The following TNFRSF1B variants were observed in gnomAD, a reference collection of about 807,000 sequenced individuals.
The protein encoded by TNFRSF1B is tumor necrosis factor receptor superfamily member 1B.
Under a neutral mutation model 44.6 loss-of-function variants are expected in TNFRSF1B, and 19 were observed. That is an observed-to-expected ratio of 0.43 (90% CI 0.30 to 0.62). The LOEUF is 0.62. TNFRSF1B is among the 20% of genes least tolerant of loss of function. The pLI is 0.16. For synonymous variants in TNFRSF1B, 252 were observed against 261.1 expected, an observed-to-expected ratio of 0.97 and a Z score of 0.34; for missense variants, 541 against 619.9, an observed-to-expected ratio of 0.87 and a Z score of 1.35.
At chr1:12,167,587 G>A (rs937437040) in intron 1 of TNFRSF1B, 2 of 283,574 alleles carry the variant, frequency 7.1e-6, no homozygotes, top group Non-Finnish European at 1.4e-5. Context: ...GTGCCGGGGC[G>A]CTGCCCCACT....
chr1:12,201,256 G>A, intron 8 of TNFRSF1B, among the ~76,000 whole-genome samples: 1 of 111,566 alleles, frequency 9.0e-6, no homozygotes, highest in Non-Finnish European at 1.7e-5. Flanking sequence ...GTGAGACCCT[G>A]TCTCAAAAAA....
chr1:12,167,492 A>AC, intron 1 of TNFRSF1B: 1 of 433,314 alleles, frequency 2.3e-6, no homozygotes, highest in South Asian at 2.2e-5. Context: ...TCCTGGGCAG[A>AC]CCCCCGCTAG....
chr1:12,191,662 G>A (rs1031662897), intron 3 of TNFRSF1B, 112 bp from the exon 4 acceptor site: 25 of 1,394,310 alleles, frequency 1.8e-5, no homozygotes, highest in Admixed American at 3.8e-5. Flanking sequence ...ATGCTGAGGC[G>A]GTCCGCCAGC....
rs75362147 is a variant in TNFRSF1B at position 12,196,813 on chromosome 1, G to T, written c.900+2195G>T. On this transcript the variant is annotated intron_variant, in intron 8 of 9. Coordinates refer to ENST00000376259, the MANE Select transcript of TNFRSF1B (RefSeq NM_001066.3). Reference sequence around the variant, plus strand: ...CCGCCTGGTGGCGTGCGTAGAGCAGGTGTCTCCCCCAAGCTCTTCCGCAGC... The same window carrying T: ...CCGCCTGGTGGCGTGCGTAGAGCAGTTGTCTCCCCCAAGCTCTTCCGCAGC... 4.2e-3 allele frequency among the ~76,000 whole-genome samples: 637 copies of T among 152,278 alleles called. 6 individuals are homozygous for T. Among genetic ancestry groups the T allele is most frequent in the African/African-American group, 0.015 (606 of 41,540 alleles).
chr1:12,181,694 C>G (rs5745990), intron 1 of TNFRSF1B, among the ~76,000 whole-genome samples: 1 of 152,164 alleles, frequency 6.6e-6, no homozygotes, highest in African/African-American at 2.4e-5. Context: ...GTCGCCTGCT[C>G]GAGCTGCCCT....
intron 4 of TNFRSF1B, among the ~76,000 whole-genome samples, chr1:12,192,173 A>G (rs1336951864): frequency 6.6e-6 from 1 of 152,366 alleles, no homozygotes; most frequent in Middle Eastern, 3.4e-3. Context: ...GCCCTAAGCT[A>G]GGAAAGTTAT....
rs558709640 is a variant in TNFRSF1B, at chr1:12,185,123, G to A, written c.79-3673G>A. Among the ~76,000 whole-genome samples the A allele has an allele frequency of 8.1e-5, 12 of 148,998 alleles. No individual in the cohort carries two copies. In the South Asian group the frequency reaches 2.5e-3, roughly 31 times the overall value. On this transcript the variant is annotated intron_variant, in intron 1 of 9. Transcript: ENST00000376259. ...GTTAGTATTCGATGGAATGGCTTGT[G>A]CAGAGGGAGCTGCAGAAGCTGCCAT...
chr1:12,205,310 T>G (rs1570179193), intron 9 of TNFRSF1B, among the ~76,000 whole-genome samples: 1 of 148,410 alleles, frequency 6.7e-6, no homozygotes, highest in Non-Finnish European at 1.5e-5. Flanking sequence ...TAGCAGGGGG[T>G]GGGGAATGTG....
At position 12,183,656 on chromosome 1, in the gene TNFRSF1B, T is replaced by TTATCTATCTATCTATC. The variant is rs76161807; in HGVS notation, c.79-5100_79-5085dup. On this transcript the variant is annotated intron_variant, in intron 1 of 9. Coordinates refer to ENST00000376259, the MANE Select transcript of TNFRSF1B (RefSeq NM_001066.3). ...TATCTATCTAGCTATTTTATCTATT[T>TTATCTATCTATCTATC]TATCTATCTATCTATCTATCTATCT... is the stretch of plus-strand genomic sequence containing the variant. Among the ~76,000 whole-genome samples, 159 of 125,322 alleles carry TTATCTATCTATCTATC rather than the reference T, an allele frequency of 1.3e-3. 5 individuals are homozygous for TTATCTATCTATCTATC. The highest frequency in any genetic ancestry group is 1.5e-3 in the Non-Finnish European group (89 of 59,582). 82.2% of individuals were successfully genotyped at this position (125,322 alleles called of 152,430 possible).
At chr1:12,202,478 C>T (rs920497108) in intron 9 of TNFRSF1B, among the ~76,000 whole-genome samples, 1 of 152,214 alleles carries the variant, frequency 6.6e-6, no homozygotes, top group Non-Finnish European at 1.5e-5. Flanking sequence ...CTCCTCCGGG[C>T]TCACCATGCC....
chr1:12,182,557 G>A (rs778920574), intron 1 of TNFRSF1B, among the ~76,000 whole-genome samples: 1 of 149,104 alleles, frequency 6.7e-6, no homozygotes, highest in Admixed American at 6.6e-5. Context: ...TGCTCAGCAC[G>A]TCTGTTGAAT....
Position 12,167,183 on chromosome 1 carries a change from G to A in TNFRSF1B, c.78+14G>A, listed in dbSNP as rs1296666665. The A allele has an allele frequency of 7.9e-7, 1 of 1,260,066 alleles. No individual in the cohort carries two copies. The highest frequency in any genetic ancestry group is 1.0e-6 in the Non-Finnish European group (1 of 1,001,010). 78.1% of individuals were successfully genotyped at this position (1,260,066 alleles called of 1,614,324 possible). On this transcript the variant is annotated intron_variant, in intron 1 of 9. Coordinates refer to ENST00000376259, the MANE Select transcript of TNFRSF1B (RefSeq NM_001066.3). Reference sequence around the variant, plus strand: ...TTGCCCGCCCAGGTGGGTGACTCGCGCGGCCCACGGGGGACAGCCGCCCCG... The same window carrying A: ...TTGCCCGCCCAGGTGGGTGACTCGCACGGCCCACGGGGGACAGCCGCCCCG...
In TNFRSF1B at chr1:12,193,107, C is replaced by T. The variant is rs557507770; in HGVS notation, c.787+9C>T. On this transcript the variant is annotated intron_variant, in intron 6 of 9. Coordinates refer to ENST00000376259, the MANE Select transcript of TNFRSF1B (RefSeq NM_001066.3). ...CTTCGCTCTTCCAGTTGGTAAGTCG[C>T]AAGAAGTCTCATTCATTCACTCCTT... 8 of 1,599,842 alleles carry T rather than the reference C, an allele frequency of 5.0e-6. No homozygotes were observed. The highest frequency in any genetic ancestry group is 2.7e-5 in the African/African-American group (2 of 74,734).
At chr1:12,184,465 C>T (rs1024730630) in intron 1 of TNFRSF1B, among the ~76,000 whole-genome samples, 1 of 152,278 alleles carries the variant, frequency 6.6e-6, no homozygotes, top group East Asian at 1.9e-4. Flanking sequence ...AGTCCTACCC[C>T]CTCTGCCGGC....
chr1:12,207,109 C>A lies in TNFRSF1B; in HGVS notation c.*89C>A, dbSNP rs1218177944. 2 of 1,393,948 alleles carry A rather than the reference C, an allele frequency of 1.4e-6. No homozygotes were observed. The highest frequency in any genetic ancestry group is 1.9e-6 in the Non-Finnish European group (2 of 1,043,890). The allele number at this position is 1,393,948 out of a possible 1,614,324, so 86.3% of individuals were successfully genotyped here. On this transcript the variant is annotated 3_prime_UTR_variant, in exon 10 of 10. Coordinates refer to ENST00000376259, the MANE Select transcript of TNFRSF1B (RefSeq NM_001066.3). Reference sequence around the variant, plus strand: ...AGGGGCCCTGGTCCTTCCAGGCCCCCACCACTAGGACTCTGAGGCTCTTTC... The same window carrying A: ...AGGGGCCCTGGTCCTTCCAGGCCCCAACCACTAGGACTCTGAGGCTCTTTC...
rs780770003 is a variant in TNFRSF1B, at chr1:12,194,061, C to G, written c.865+29C>G. 9 of 1,599,874 alleles carry G rather than the reference C, an allele frequency of 5.6e-6. No homozygotes were observed. In the African/African-American group the frequency reaches 1.1e-4, roughly 19 times the overall value. Reference sequence around the variant, plus strand: ...AGAGTCCATCCTTCCTTCCTTCATCCACTTGTTCAGGAAGCTTTTGTGGGG... The same window carrying G: ...AGAGTCCATCCTTCCTTCCTTCATCGACTTGTTCAGGAAGCTTTTGTGGGG... On this transcript the variant is annotated intron_variant, in intron 7 of 9. Coordinates refer to ENST00000376259, the MANE Select transcript of TNFRSF1B (RefSeq NM_001066.3).
chr1:12,205,779 A>G (rs1227148148), intron 9 of TNFRSF1B, among the ~76,000 whole-genome samples: 1 of 148,702 alleles, frequency 6.7e-6, no homozygotes, highest in Non-Finnish European at 1.5e-5. Flanking sequence ...CTGCCACCAT[A>G]CCCGGCTAAT....
Position 12,192,479 on chromosome 1 carries a change from T to A in TNFRSF1B, c.506T>A (p.Phe169Tyr). 6.2e-7 allele frequency: 1 copy of A among 1,614,074 alleles called. No individual in the cohort carries two copies. The highest frequency in any genetic ancestry group is 8.5e-7 in the Non-Finnish European group (1 of 1,179,982). Residue 169 changes from phenylalanine (F) to tyrosine (Y), a missense_variant, in exon 5 of 10, where the codon TTC becomes TAC. Transcript: ENST00000376259. Reference sequence around the variant, plus strand: ...TGCAAGCCCTGTGCCCCGGGGACGTTCTCCAACACGACTTCATCCACGGAT... The same window carrying A: ...TGCAAGCCCTGTGCCCCGGGGACGTACTCCAACACGACTTCATCCACGGAT... ...VVCKPCAPGT[F>Y]SNTTSSTDIC...
At chr1:12,194,543 G>A (rs755304244) in intron 7 of TNFRSF1B, 41 bp from the exon 8 acceptor site, 1 of 1,613,452 alleles carries the variant, frequency 6.2e-7, no homozygotes, top group Non-Finnish European at 8.5e-7. Context: ...AGATGTGCCT[G>A]AGGAAGTCAA....
Sources: allele counts gnomAD v4.1 joint callset (sites outside exome capture counted in the v4.1 genomes callset), GRCh38; gene constraint gnomAD v4.1.1; transcripts MANE v1.5; gene names NCBI Gene and HGNC (gene_info 2026-07-23, HGNC 2026-07-21).